Variants in PRKD1 observed in about 807,000 individuals in gnomAD.
The protein encoded by PRKD1 is serine/threonine-protein kinase D1.
In PRKD1, 63 loss-of-function variants were observed where a neutral mutation model predicts 95.9. That is an observed-to-expected ratio of 0.66 (90% CI 0.54 to 0.81). PRKD1 has a LOEUF of 0.81. PRKD1 is among the 30% of genes least tolerant of loss of function. The probability of loss-of-function intolerance (pLI) is 0.00; values close to 1 mark genes in which losing one functional copy is unlikely to be tolerated. For missense variants in PRKD1, 1,048 were observed against 1,165.3 expected (o/e 0.90, Z 1.47); for synonymous variants, 425 against 423.1 (o/e 1.00, Z -0.05).
intron 1 of PRKD1, among the ~76,000 whole-genome samples, chr14:29,912,436 G>C (rs903317016): frequency 6.6e-6 from 1 of 152,098 alleles, no homozygotes; most frequent in African/African-American, 2.4e-5. Context: ...TTATTTTTCA[G>C]AGCCAGAATA....
chr14:29,830,806 C>G (rs1047635483), intron 1 of PRKD1, among the ~76,000 whole-genome samples: 1 of 151,948 alleles, frequency 6.6e-6, no homozygotes, highest in African/African-American at 2.4e-5. Context: ...GATCCTCTCA[C>G]CATAGTCTTC....
At chr14:29,796,766 G>A (rs1889836090) in intron 1 of PRKD1, among the ~76,000 whole-genome samples, 1 of 152,084 alleles carries the variant, frequency 6.6e-6, no homozygotes, top group South Asian at 2.1e-4. Context: ...GAGTTCTAGG[G>A]GAATGGTGAG....
chr14:29,765,405 T>G (rs954896906), intron 1 of PRKD1, among the ~76,000 whole-genome samples: 1 of 152,144 alleles, frequency 6.6e-6, no homozygotes, highest in Non-Finnish European at 1.5e-5. Flanking sequence ...TGTTGAGAAC[T>G]GAAAAACAGT....
chr14:29,826,243 T>C (rs1441643391), intron 1 of PRKD1, among the ~76,000 whole-genome samples: 1 of 39,230 alleles, frequency 2.5e-5, no homozygotes, highest in South Asian at 1.4e-3. Flanking sequence ...TATATATACA[T>C]ATATATGATG....
At chr14:29,923,831 A>T (rs1002591931) in intron 1 of PRKD1, among the ~76,000 whole-genome samples, 14 of 150,506 alleles carry the variant, frequency 9.3e-5, no homozygotes, top group Admixed American at 7.9e-4. Flanking sequence ...AAAAAAAAAA[A>T]GTATGTGTGT....
At chr14:29,727,981 AG>A (rs1886243917) in intron 1 of PRKD1, among the ~76,000 whole-genome samples, 1 of 147,690 alleles carries the variant, frequency 6.8e-6, no homozygotes, top group Non-Finnish European at 1.5e-5. Flanking sequence ...GGACACAGGA[AG>A]GGGAACATCA....
chr14:29,583,594 C>T (rs1167293606), intron 16 of PRKD1, among the ~76,000 whole-genome samples: 1 of 152,110 alleles, frequency 6.6e-6, no homozygotes, highest in Non-Finnish European at 1.5e-5. Context: ...TTTATTCATG[C>T]TTAAGCTCAA....
At chr14:29,675,980 G>A (rs910958492) in intron 2 of PRKD1, among the ~76,000 whole-genome samples, 2 of 123,074 alleles carry the variant, frequency 1.6e-5, no homozygotes, top group Non-Finnish European at 3.3e-5. Context: ...GGCCTGTCGT[G>A]GGGTGGGGGG....
chr14:29,770,295 T>C (rs1201354009), intron 1 of PRKD1, among the ~76,000 whole-genome samples: 2 of 152,186 alleles, frequency 1.3e-5, no homozygotes, highest in Admixed American at 6.5e-5. Context: ...CCTAAAAGCA[T>C]GGAAGAACCG....
chr14:29,652,842 G>C (rs1881597762), intron 4 of PRKD1: 1 of 152,148 alleles, frequency 6.6e-6, no homozygotes, highest in African/African-American at 2.4e-5. Context: ...CCTGGCAAAT[G>C]TTCATCTGGG....
chr14:29,679,273 C>T (rs750631508), intron 2 of PRKD1, among the ~76,000 whole-genome samples: 3 of 152,156 alleles, frequency 2.0e-5, no homozygotes, highest in African/African-American at 4.8e-5. Flanking sequence ...ATAAACGATT[C>T]TGAGCAAAAA....
chr14:29,799,818 C>T (rs1889954146), intron 1 of PRKD1, among the ~76,000 whole-genome samples: 1 of 152,222 alleles, frequency 6.6e-6, no homozygotes, highest in Non-Finnish European at 1.5e-5. Flanking sequence ...AGAAAATGAA[C>T]TACCCAATGT....
At chr14:29,663,569 G>T in intron 4 of PRKD1, 130 bp downstream of exon 4, 1 of 1,055,128 alleles carries the variant, frequency 9.5e-7, no homozygotes, top group Non-Finnish European at 1.4e-6. Context: ...CACAAGCCCT[G>T]AAGAAACACT....
chr14:29,652,487 A>C (rs964136237), intron 4 of PRKD1, among the ~76,000 whole-genome samples: 7 of 152,212 alleles, frequency 4.6e-5, no homozygotes, highest in Non-Finnish European at 1.0e-4. Context: ...ACAGTAACTC[A>C]AAGCAGGCCT....
intron 13 of PRKD1, among the ~76,000 whole-genome samples, chr14:29,610,664 T>G (rs1462412339): frequency 1.3e-5 from 2 of 152,176 alleles, no homozygotes; most frequent in Non-Finnish European, 2.9e-5. Flanking sequence ...TTCTGGGTAT[T>G]TACCCAAAGA....
chr14:29,794,707 C>T (rs535579868), intron 1 of PRKD1, among the ~76,000 whole-genome samples: 8 of 152,122 alleles, frequency 5.3e-5, no homozygotes, highest in East Asian at 3.9e-4. Context: ...AATCCTCCCC[C>T]GTGCTCCCTA....
chr14:29,694,344 C>G (rs1884399680), intron 2 of PRKD1, among the ~76,000 whole-genome samples: 1 of 152,174 alleles, frequency 6.6e-6, no homozygotes, highest in Non-Finnish European at 1.5e-5. Flanking sequence ...CACATTTCAG[C>G]TGAAAAAGTT....
chr14:29,738,883 C>G (rs999339513), intron 1 of PRKD1, among the ~76,000 whole-genome samples: 3 of 149,118 alleles, frequency 2.0e-5, no homozygotes, highest in African/African-American at 7.4e-5. Context: ...AGCTGGAGTG[C>G]AGTGATGCCG....
At position 29,730,801 on chromosome 14, in the gene PRKD1, A is replaced by T. The variant is rs957898063; in HGVS notation, c.265-5127T>A. On this transcript the variant is annotated intron_variant, in intron 1 of 17. Transcript: ENST00000331968. Reference sequence around the variant, plus strand: ...ATCTACCATATGTGGAATCTAAAAAACCTGAATGCATAAAAGCAGAGAGTA... The same window carrying T: ...ATCTACCATATGTGGAATCTAAAAATCCTGAATGCATAAAAGCAGAGAGTA... 2.6e-5 allele frequency among the ~76,000 whole-genome samples: 4 copies of T among 152,140 alleles called. No homozygotes were observed. The South Asian group carries it at 6.2e-4, about 24-fold the overall frequency.
Sources: gnomAD v4.1 joint callset for allele counts (sites outside exome capture counted in the v4.1 genomes callset) on GRCh38, gnomAD v4.1.1 for gene constraint, MANE v1.5 for transcripts, NCBI Gene and HGNC (gene_info 2026-07-23, HGNC 2026-07-21) for gene names.